PDE4B: variants seen among roughly 807,000 people sequenced by gnomAD.
PDE4B encodes the protein 3',5'-cyclic-AMP phosphodiesterase 4B.
A neutral mutation model predicts 82.2 loss-of-function variants in PDE4B; 20 were observed. The observed-to-expected ratio is 0.24, with a 90% confidence interval of 0.17 to 0.35. PDE4B has a LOEUF of 0.35. PDE4B is among the 10% of genes least tolerant of loss of function. PDE4B has a pLI of 1.00. For synonymous variants in PDE4B, 320 were observed against 318.9 expected (o/e 1.00, Z -0.04); for missense variants, 655 against 907.2 (o/e 0.72, Z 3.57).
At chr1:66,160,043 A>G (rs190535475) in intron 3 of PDE4B, among the ~76,000 whole-genome samples, 24 of 152,324 alleles carry the variant, frequency 1.6e-4, no homozygotes, top group Admixed American at 1.3e-3. Context: ...TGCTGGCCAG[A>G]GGAGTTGTCT....
chr1:66,301,222 A>G (rs1657870030), intron 7 of PDE4B, among the ~76,000 whole-genome samples: 1 of 152,136 alleles, frequency 6.6e-6, no homozygotes. Context: ...TAATAATTTA[A>G]GGGCTCTCAT....
intron 3 of PDE4B, among the ~76,000 whole-genome samples, chr1:66,174,881 C>A (rs1169078782): frequency 2.6e-5 from 4 of 152,100 alleles, no homozygotes; most frequent in Non-Finnish European, 4.4e-5. Flanking sequence ...GGCTAGGAGG[C>A]CTCAGGAAAC....
intron 8 of PDE4B, among the ~76,000 whole-genome samples, chr1:66,339,206 C>G (rs1018518165): frequency 1.3e-5 from 2 of 152,076 alleles, no homozygotes; most frequent in African/African-American, 4.8e-5. Context: ...CACTGTTTTC[C>G]TTGGGCATTG....
chr1:66,203,226 C>G (rs1189603654), intron 3 of PDE4B, among the ~76,000 whole-genome samples: 1 of 152,158 alleles, frequency 6.6e-6, no homozygotes. Context: ...TGCTGTTACT[C>G]TGATGGGCTT....
chr1:66,052,183 A>G (rs1655066029), intron 3 of PDE4B, among the ~76,000 whole-genome samples: 1 of 152,198 alleles, frequency 6.6e-6, no homozygotes, highest in South Asian at 2.1e-4. Flanking sequence ...TTACTATTAC[A>G]AGTAAAATAT....
rs143950615 is a variant in PDE4B at position 66,338,264 on chromosome 1, A to G, written c.747+5644A>G. On this transcript the variant is annotated intron_variant, in intron 8 of 16. Coordinates refer to ENST00000341517, the MANE Select transcript of PDE4B (RefSeq NM_002600.4). The stretch of plus-strand genomic sequence containing the variant: ...ATCCAGTCCATCTGACTTACCATCA[A>G]TGATCCCAATGAGGCATATAAAGAA... 2.8e-4 allele frequency among the ~76,000 whole-genome samples: 43 copies of G among 152,340 alleles called. No homozygotes were observed. In the East Asian group the frequency reaches 3.9e-3, roughly 14 times the overall value.
chr1:65,943,234 A>G (rs1257015568), intron 3 of PDE4B, among the ~76,000 whole-genome samples: 1 of 151,930 alleles, frequency 6.6e-6, no homozygotes, highest in African/African-American at 2.4e-5. Flanking sequence ...GAATGTGAAT[A>G]TCTAGTTTTG....
intron 1 of PDE4B, among the ~76,000 whole-genome samples, chr1:65,894,519 A>C (rs1390240523): frequency 1.3e-5 from 2 of 152,158 alleles, no homozygotes; most frequent in Non-Finnish European, 2.9e-5. Context: ...AAATTAATAA[A>C]TTGGAAAATT....
At chr1:66,153,154 A>T (rs1283634953) in intron 3 of PDE4B, among the ~76,000 whole-genome samples, 2 of 152,086 alleles carry the variant, frequency 1.3e-5, no homozygotes, top group Non-Finnish European at 2.9e-5. Flanking sequence ...CCCACACCAG[A>T]TTGCAAAGCT....
rs573693754 is a variant in PDE4B at position 66,365,027 on chromosome 1, A to G, written c.1285-640A>G. On this transcript the variant is annotated intron_variant, in intron 12 of 16. Coordinates refer to ENST00000341517, the MANE Select transcript of PDE4B (RefSeq NM_002600.4). ...TAATACTAGGTTTGAATCATTGTGC[A>G]TGGGTGGGGGCAGAGAAGCATTCAT... Among the ~76,000 whole-genome samples, 5 of 152,302 alleles carry G rather than the reference A, an allele frequency of 3.3e-5. No homozygotes were observed. In the East Asian group the frequency reaches 9.6e-4, roughly 29 times the overall value.
chr1:65,860,833 CA>C (rs1394807291), intron 1 of PDE4B, among the ~76,000 whole-genome samples: 3 of 152,136 alleles, frequency 2.0e-5, no homozygotes, highest in Non-Finnish European at 2.9e-5. Context: ...TTGTTGGCTG[CA>C]AAAATGTCTT....
At chr1:65,840,183 G>C (rs777704457) in intron 1 of PDE4B, among the ~76,000 whole-genome samples, 84 of 151,694 alleles carry the variant, frequency 5.5e-4, no homozygotes, top group Admixed American at 2.2e-3. Context: ...GTTTGTGTCT[G>C]TGTGTGTGTG....
At chr1:66,015,037 G>GT (rs780300092) in intron 3 of PDE4B, among the ~76,000 whole-genome samples, 2 of 152,082 alleles carry the variant, frequency 1.3e-5, no homozygotes, top group Non-Finnish European at 1.5e-5. Flanking sequence ...TTGGTAGTTG[G>GT]TTTTTTAAAG....
At position 66,304,156 on chromosome 1, in the gene PDE4B, G is replaced by A. The variant is rs149491066; in HGVS notation, c.635-28352G>A. On this transcript the variant is annotated intron_variant, in intron 7 of 16. Coordinates refer to ENST00000341517, the MANE Select transcript of PDE4B (RefSeq NM_002600.4). Reference sequence around the variant, plus strand: ...TATTAATATAATCATCCTACAAAATGAATTTGTCCAATCTTGTCAGTGAGG... The same window carrying A: ...TATTAATATAATCATCCTACAAAATAAATTTGTCCAATCTTGTCAGTGAGG... Among the ~76,000 whole-genome samples the A allele has an allele frequency of 6.2e-4, 94 of 152,202 alleles. 1 individual carries two copies. The highest frequency in any genetic ancestry group is 2.0e-3 in the African/African-American group (85 of 41,534).
intron 3 of PDE4B, among the ~76,000 whole-genome samples, chr1:66,153,434 C>T (rs1646442025): frequency 6.6e-6 from 1 of 152,170 alleles, no homozygotes; most frequent in Non-Finnish European, 1.5e-5. Context: ...GTATTCATGG[C>T]AACCATCCCC....
chr1:66,281,168 A>G (rs548056439), intron 7 of PDE4B, among the ~76,000 whole-genome samples: 1 of 152,336 alleles, frequency 6.6e-6, no homozygotes, highest in Admixed American at 6.5e-5. Flanking sequence ...GTAAAAACAC[A>G]TTACTCCCTC....
rs532453168 is a variant in PDE4B at position 65,936,841 on chromosome 1, T to A, written c.281+18006T>A. 3.9e-5 allele frequency among the ~76,000 whole-genome samples: 6 copies of A among 152,306 alleles called. No individual in the cohort carries two copies. The South Asian group carries it at 8.3e-4, about 21-fold the overall frequency. On this transcript the variant is annotated intron_variant, in intron 3 of 16. Coordinates refer to ENST00000341517, the MANE Select transcript of PDE4B (RefSeq NM_002600.4). The stretch of plus-strand genomic sequence containing the variant: ...GGCATGTTCTAAACACTGAATCATG[T>A]TAAAAGTGAATTTTAATCTGGGGGC...
chr1:65,864,419 G>A (rs752319405), intron 1 of PDE4B, among the ~76,000 whole-genome samples: 4 of 151,962 alleles, frequency 2.6e-5, no homozygotes, highest in African/African-American at 7.2e-5. Context: ...GAGGAGTTGC[G>A]ATCATTTGGA....
intron 4 of PDE4B, among the ~76,000 whole-genome samples, chr1:66,254,506 A>G (rs1378283263): frequency 6.6e-6 from 1 of 151,964 alleles, no homozygotes; most frequent in Non-Finnish European, 1.5e-5. Flanking sequence ...GGCCTTAACT[A>G]TCCCTACTTT....
Sources: gnomAD v4.1 joint callset for allele counts (sites outside exome capture counted in the v4.1 genomes callset) on GRCh38, gnomAD v4.1.1 for gene constraint, MANE v1.5 for transcripts, NCBI Gene and HGNC (gene_info 2026-07-23, HGNC 2026-07-21) for gene names.